The following RELN variants were observed in gnomAD, a reference collection of about 807,000 sequenced individuals.
RELN encodes reelin.
Under a neutral mutation model 427.6 loss-of-function variants are expected in RELN, and 108 were observed. That is an observed-to-expected ratio of 0.25 (90% CI 0.22 to 0.30). The LOEUF (loss-of-function observed/expected upper bound fraction) is 0.30, where lower values mean the gene tolerates loss of function less well. RELN is among the 10% of genes least tolerant of loss of function. The pLI is 1.00. For missense variants in RELN, 3,715 were observed against 4,302.8 expected, an observed-to-expected ratio of 0.86 and a Z score of 3.82; for synonymous variants, 1,524 against 1,513.4, an observed-to-expected ratio of 1.01 and a Z score of -0.16.
At chr7:103,984,934 C>A (rs780067649) in intron 1 of RELN, among the ~76,000 whole-genome samples, 12 of 152,108 alleles carry the variant, frequency 7.9e-5, no homozygotes, top group Non-Finnish European at 1.3e-4. Context: ...ACATAAATAT[C>A]ATCTGGTATT....
chr7:103,662,502 G>C (rs1215506033), intron 11 of RELN, among the ~76,000 whole-genome samples: 1 of 151,786 alleles, frequency 6.6e-6, no homozygotes, highest in Admixed American at 6.6e-5. Context: ...CATGGCTGTA[G>C]TCCCAGCTAC....
At chr7:103,978,656 G>A (rs1367607946) in intron 1 of RELN, among the ~76,000 whole-genome samples, 2 of 152,186 alleles carry the variant, frequency 1.3e-5, no homozygotes, top group African/African-American at 4.8e-5. Flanking sequence ...GATCTCTAGA[G>A]CATTTGCATT....
chr7:103,859,573 G>A (rs182710590), intron 2 of RELN, among the ~76,000 whole-genome samples: 7 of 152,276 alleles, frequency 4.6e-5, no homozygotes, highest in African/African-American at 1.7e-4. Flanking sequence ...GATTATAGGC[G>A]TGAGCCACGG....
chr7:103,969,971 G>A (rs534785334), intron 1 of RELN, among the ~76,000 whole-genome samples: 8 of 151,944 alleles, frequency 5.3e-5, no homozygotes, highest in African/African-American at 1.9e-4. Flanking sequence ...CCTTATTTAC[G>A]AATTTATCTG....
intron 19 of RELN, among the ~76,000 whole-genome samples, chr7:103,634,008 CTTATAAG>C (rs923469724): frequency 2.6e-5 from 4 of 152,072 alleles, no homozygotes; most frequent in Non-Finnish European, 5.9e-5. Context: ...ATGTATAACA[CTTATAAG>C]TTATAATAGA....
chr7:103,872,013 A>AAC (rs1554434444), intron 2 of RELN, among the ~76,000 whole-genome samples: 2 of 115,056 alleles, frequency 1.7e-5, no homozygotes, highest in African/African-American at 6.7e-5. Flanking sequence ...ACAGTATATG[A>AAC]ATATATATAT....
chr7:103,864,444 A>G (rs1794145802), intron 2 of RELN, among the ~76,000 whole-genome samples: 1 of 152,120 alleles, frequency 6.6e-6, no homozygotes, highest in Non-Finnish European at 1.5e-5. Flanking sequence ...TTGAACAGCA[A>G]CCGTTTCCCC....
intron 1 of RELN, among the ~76,000 whole-genome samples, chr7:103,917,832 G>T (rs1477053686): frequency 6.6e-6 from 1 of 151,988 alleles, no homozygotes; most frequent in Non-Finnish European, 1.5e-5. Context: ...GGAAGAAAAG[G>T]GTAAAATTAA....
chr7:103,611,868 C>A, intron 20 of RELN, 65 bp from the exon 21 acceptor site: 2 of 1,264,210 alleles, frequency 1.6e-6, no homozygotes, highest in Non-Finnish European at 2.3e-6. Context: ...AAATTAAAGT[C>A]TTCACTTCAC....
At chr7:103,487,775 T>A (rs1828496993) in intron 60 of RELN, among the ~76,000 whole-genome samples, 1 of 152,220 alleles carries the variant, frequency 6.6e-6, no homozygotes, top group South Asian at 2.1e-4. Flanking sequence ...GTACACTTGA[T>A]GATTCTTAAG....
At chr7:103,612,276 T>A (rs564055625) in intron 20 of RELN, among the ~76,000 whole-genome samples, 1 of 152,166 alleles carries the variant, frequency 6.6e-6, no homozygotes, top group South Asian at 2.1e-4. Flanking sequence ...TTATAGATAA[T>A]ATAATCACAT....
chr7:103,972,349 G>A (rs6970904), intron 1 of RELN, among the ~76,000 whole-genome samples: 12,601 of 152,292 alleles, frequency 0.083, 719 homozygotes, highest in African/African-American at 0.16. Flanking sequence ...ACAAGTAAGA[G>A]ACTGGATTTA....
At chr7:103,732,207 C>T (rs968158118) in intron 6 of RELN, among the ~76,000 whole-genome samples, 4 of 151,850 alleles carry the variant, frequency 2.6e-5, no homozygotes, top group Non-Finnish European at 4.4e-5. Flanking sequence ...TTAGGGTCCT[C>T]GGGATAAGGG....
At chr7:103,785,279 G>A (rs915875318) in intron 3 of RELN, among the ~76,000 whole-genome samples, 3 of 152,054 alleles carry the variant, frequency 2.0e-5, no homozygotes, top group African/African-American at 7.2e-5. Flanking sequence ...AATTAAGTAA[G>A]CCTATGGTCA....
intron 11 of RELN, among the ~76,000 whole-genome samples, chr7:103,672,348 G>A (rs1833413004): frequency 2.0e-5 from 3 of 152,156 alleles, no homozygotes; most frequent in Admixed American, 6.6e-5. Context: ...AGTGCCAAGA[G>A]CAAAGATGGC....
chr7:103,733,789 G>A (rs891475753), intron 6 of RELN, among the ~76,000 whole-genome samples: 3 of 150,542 alleles, frequency 2.0e-5, no homozygotes, highest in African/African-American at 4.9e-5. Flanking sequence ...GGGGACTGTT[G>A]TGGGGTGGGG....
intron 4 of RELN, among the ~76,000 whole-genome samples, chr7:103,757,784 G>T (rs1584469430): frequency 6.6e-6 from 1 of 152,192 alleles, no homozygotes. Context: ...CTGAATTGAA[G>T]AGAGAGGAAG....
chr7:103,798,216 T>C (rs1454357284), intron 3 of RELN, among the ~76,000 whole-genome samples: 1 of 152,196 alleles, frequency 6.6e-6, no homozygotes, highest in Non-Finnish European at 1.5e-5. Context: ...CTTCTTCTGA[T>C]AGCAATTTGA....
Position 103,640,729 on chromosome 7 carries a change from G to A in RELN, c.2003-120C>T, listed in dbSNP as rs1013681177. 4 of 947,998 alleles carry A rather than the reference G, an allele frequency of 4.2e-6. No individual in the cohort carries two copies. Among genetic ancestry groups the A allele is most frequent in the African/African-American group, 3.3e-5 (2 of 61,430 alleles). The allele number at this position is 947,998 out of a possible 1,614,324, so 58.7% of individuals were successfully genotyped here. On this transcript the variant is annotated intron_variant, in intron 16 of 64. Transcript: ENST00000428762. The surrounding 1 kb of genome is among the most constrained non-coding windows in gnomAD (Gnocchi z 4.1). ...TGTATGTTGTGTGCAGGAACCCAGG[G>A]TGACATATGGAATGCTGTGTAATAA... is the stretch of plus-strand genomic sequence containing the variant.
Sources: gnomAD v4.1 joint callset for allele counts (sites outside exome capture counted in the v4.1 genomes callset) on GRCh38, gnomAD v4.1.1 for gene constraint, Gnocchi (gnomAD v3.1) non-coding constraint, MANE v1.5 for transcripts, NCBI Gene and HGNC (gene_info 2026-07-23, HGNC 2026-07-21) for gene names.